CCT6B: variants seen among roughly 807,000 people sequenced by gnomAD.
CCT6B encodes probable T-complex protein 1 subunit zeta-2.
Under a neutral mutation model 61.5 loss-of-function variants are expected in CCT6B, and 49 were observed. That is an observed-to-expected ratio of 0.80 (90% CI 0.63 to 1.01). The LOEUF (loss-of-function observed/expected upper bound fraction) is 1.01. CCT6B is among the 50% of genes least tolerant of loss of function. The probability of loss-of-function intolerance (pLI) is 0.00; values close to 1 mark genes in which losing one functional copy is unlikely to be tolerated. For missense variants in CCT6B, 666 were observed against 634.7 expected, an observed-to-expected ratio of 1.05 and a Z score of -0.53; for synonymous variants, 228 against 214.5, an observed-to-expected ratio of 1.06 and a Z score of -0.55.
At chr17:34,953,914 A>T (rs1274964256) in intron 4 of CCT6B, among the ~76,000 whole-genome samples, 1 of 152,180 alleles carries the variant, frequency 6.6e-6, no homozygotes, top group Non-Finnish European at 1.5e-5. Flanking sequence ...AGATCATGAC[A>T]CTGCACTCCA....
intron 2 of CCT6B, 75 bp from the exon 3 acceptor site, chr17:34,958,769 A>G (rs1307256706): frequency 9.3e-6 from 10 of 1,070,422 alleles, no homozygotes; most frequent in Non-Finnish European, 3.9e-6. Context: ...AAGATAACCT[A>G]GGGGTCAGTA....
Position 34,939,227 on chromosome 17 carries a change from G to T in CCT6B, c.1169C>A (p.Ala390Asp), listed in dbSNP as rs771001368. 2.5e-6 allele frequency: 4 copies of T among 1,613,708 alleles called. No individual in the cohort carries two copies. In the Admixed American group the frequency reaches 6.7e-5, roughly 27 times the overall value. ...NKHTLTQVKD[A>D]IRDGLRAIKN... The stretch of plus-strand genomic sequence containing the variant: ...GATAGCACGAAGTCCATCTCTTATG[G>T]CATCCTTGACTTGTGTGAGAGTATG... Residue 390 changes from alanine to aspartate, a missense_variant, in exon 10 of 14, where the codon GCC (alanine) becomes GAC (aspartate). Coordinates refer to ENST00000314144, the MANE Select transcript of CCT6B (RefSeq NM_006584.4).
intron 7 of CCT6B, among the ~76,000 whole-genome samples, chr17:34,941,237 G>C (rs1197272649): frequency 6.6e-6 from 1 of 152,060 alleles, no homozygotes; most frequent in Non-Finnish European, 1.5e-5. Context: ...ACACTGAATG[G>C]ATTATTTATC....
chr17:34,959,474 T>C (rs1195793918), intron 2 of CCT6B, 113 bp downstream of exon 2: 5 of 767,382 alleles, frequency 6.5e-6, no homozygotes, highest in Middle Eastern at 2.5e-4. Context: ...GTCTTCAGCA[T>C]ATCTCAAGAC....
At chr17:34,932,668 T>C (rs1042976167) in intron 10 of CCT6B, among the ~76,000 whole-genome samples, 168 bp from the exon 11 acceptor site, 3 of 152,256 alleles carry the variant, frequency 2.0e-5, no homozygotes, top group African/African-American at 7.2e-5. Flanking sequence ...CCTGAAGTTA[T>C]ATGTCATTAA....
intron 4 of CCT6B, among the ~76,000 whole-genome samples, chr17:34,953,983 C>A (rs1419768455): frequency 1.3e-5 from 2 of 151,716 alleles, no homozygotes; most frequent in Non-Finnish European, 3.0e-5. Flanking sequence ...ATAAACTAAA[C>A]AAACATACAT....
At chr17:34,961,215 G>T in intron 1 of CCT6B, 42 bp downstream of exon 1, 3 of 1,564,576 alleles carry the variant, frequency 1.9e-6, no homozygotes, top group Non-Finnish European at 2.6e-6. Context: ...GGACACCAAC[G>T]GGCCCCTAGC....
At chr17:34,931,128 C>T (rs1223898860) in intron 11 of CCT6B, 77 bp from the exon 12 acceptor site, 4 of 429,356 alleles carry the variant, frequency 9.3e-6, no homozygotes, top group Non-Finnish European at 1.1e-5. Flanking sequence ...TAAAAATACT[C>T]TTTACTCTTG....
At chr17:34,955,327 G>A (rs1428333706) in intron 3 of CCT6B, among the ~76,000 whole-genome samples, 1 of 152,112 alleles carries the variant, frequency 6.6e-6, no homozygotes, top group Non-Finnish European at 1.5e-5. Context: ...TAACAGTAAT[G>A]TATCAATGTG....
At position 34,932,503 on chromosome 17, in the gene CCT6B, A is replaced by G. The variant is rs1315504664; in HGVS notation, c.1214-3T>C. On this transcript the variant is annotated splice_region_variant and splice_polypyrimidine_tract_variant and intron_variant, in intron 10 of 13. Transcript: ENST00000314144. ...ACCAGCTCCAGGAACCATACAACCT[A>G]TTGGAGAGAAAAAATATGATTGGCA... 4 of 1,587,736 alleles carry G rather than the reference A, an allele frequency of 2.5e-6. No homozygotes were observed. The highest frequency in any genetic ancestry group is 2.6e-6 in the Non-Finnish European group (3 of 1,171,958).
chr17:34,931,641 A>C (rs185780548), intron 11 of CCT6B, among the ~76,000 whole-genome samples: 230 of 152,324 alleles, frequency 1.5e-3, no homozygotes, highest in African/African-American at 5.2e-3. Flanking sequence ...CAGCAGCAGG[A>C]TCATACTGAC....
chr17:34,946,120 C>T (rs532484677), intron 5 of CCT6B, among the ~76,000 whole-genome samples: 8 of 152,310 alleles, frequency 5.3e-5, no homozygotes, highest in African/African-American at 1.9e-4. Flanking sequence ...CTCACATGGA[C>T]TTACAATCGG....
Position 34,935,850 on chromosome 17 carries a change from T to C in CCT6B, c.1213+3333A>G, listed in dbSNP as rs550512824. On this transcript the variant is annotated intron_variant, in intron 10 of 13. Coordinates refer to ENST00000314144, the MANE Select transcript of CCT6B (RefSeq NM_006584.4). ...CCAGCCTGGGCAACGAAGTGAGACT[T>C]CATCTCAAAAGAAAAAAAAAAAAAT... is the stretch of plus-strand genomic sequence containing the variant. 3.0e-4 allele frequency among the ~76,000 whole-genome samples: 44 copies of C among 146,722 alleles called. No individual in the cohort carries two copies. The South Asian group carries it at 9.4e-3, about 31-fold the overall frequency.
chr17:34,929,648 G>A (rs999591031), intron 12 of CCT6B, among the ~76,000 whole-genome samples: 1 of 151,768 alleles, frequency 6.6e-6, no homozygotes, highest in African/African-American at 2.4e-5. Context: ...CAAGTAGCTG[G>A]GATTATAGGG....
Position 34,961,266 on chromosome 17 carries a change from G to A in CCT6B, c.128C>T (p.Thr43Ile). 1.2e-6 allele frequency: 2 copies of A among 1,604,326 alleles called. No individual in the cohort carries two copies. The highest frequency in any genetic ancestry group is 1.7e-6 in the Non-Finnish European group (2 of 1,175,314). ...CCAACCGCTGTCTCACATTTTCATGGTGCCTTTAGGACCCAAGTTGGTCCG... is the reference window on the plus strand; with the variant it reads ...CCAACCGCTGTCTCACATTTTCATGATGCCTTTAGGACCCAAGTTGGTCCG... ...VLRTNLGPKG[T>I]MKMLVSGAGD... Residue 43 changes from threonine (T) to isoleucine (I), a missense_variant, in exon 1 of 14, where the codon ACC becomes ATC. Thr to Ile is a moderately conservative substitution (Grantham distance 89, BLOSUM62 -1). Coordinates refer to ENST00000314144, the MANE Select transcript of CCT6B (RefSeq NM_006584.4).
At chr17:34,948,913 T>C (rs1419273075) in intron 5 of CCT6B, among the ~76,000 whole-genome samples, 12 of 151,686 alleles carry the variant, frequency 7.9e-5, no homozygotes, top group East Asian at 7.8e-4. Flanking sequence ...CGCATATCTG[T>C]AGTCCCAGCT....
chr17:34,942,886 A>G lies in CCT6B; in HGVS notation c.635T>C (p.Leu212Ser). 2 of 1,603,432 alleles carry G rather than the reference A, an allele frequency of 1.2e-6. No individual in the cohort carries two copies. The highest frequency in any genetic ancestry group is 2.2e-5 in the South Asian group (2 of 89,732). ...TDTKLIQGLVLDHGARHPDMK... is the reference protein window; with the variant it reads ...TDTKLIQGLVSDHGARHPDMK... ...ATCTGGATGACGGGCACCATGATCC[A>G]AAACTAATCCTTGGATCAACCTATT... Residue 212 changes from leucine to serine, a missense_variant, in exon 6 of 14, where the codon TTG (leucine) becomes TCG (serine). By Grantham distance (145) the Leu-to-Ser change is moderately radical. Coordinates refer to ENST00000314144, the MANE Select transcript of CCT6B (RefSeq NM_006584.4).
At position 34,952,007 on chromosome 17, in the gene CCT6B, A is replaced by G. The variant is rs147964755; in HGVS notation, c.557T>C (p.Ile186Thr). 2.6e-5 allele frequency: 42 copies of G among 1,610,474 alleles called. No homozygotes were observed. Among genetic ancestry groups the G allele is most frequent in the Non-Finnish European group, 3.5e-5 (41 of 1,177,472 alleles). Residue 186 changes from isoleucine (I) to threonine (T), a missense_variant, in exon 5 of 14, where the codon ATT becomes ACT. By Grantham distance (89) the Ile-to-Thr change is moderately conservative (BLOSUM62 -1). Coordinates refer to ENST00000314144, the MANE Select transcript of CCT6B (RefSeq NM_006584.4). ...VLAVRRPGYP[I>T]DLFMVEIMEM... Reference sequence around the variant, plus strand: ...CATTATTTCTACCATGAAGAGATCAATAGGGTAACCTGGTCTTCTAACAGC... The same window carrying G: ...CATTATTTCTACCATGAAGAGATCAGTAGGGTAACCTGGTCTTCTAACAGC...
chr17:34,950,118 T>C (rs938602625), intron 5 of CCT6B, among the ~76,000 whole-genome samples: 1 of 152,188 alleles, frequency 6.6e-6, no homozygotes, highest in African/African-American at 2.4e-5. Flanking sequence ...AATTTCCCCA[T>C]GTTAAGAAAC....
Sources: allele counts gnomAD v4.1 joint callset (sites outside exome capture counted in the v4.1 genomes callset), GRCh38; gene constraint gnomAD v4.1.1; transcripts MANE v1.5; gene names NCBI Gene and HGNC (gene_info 2026-07-23, HGNC 2026-07-21).